TAFA1: variants seen among roughly 807,000 people sequenced by gnomAD.
TAFA1 encodes the protein TAFA chemokine like family member 1.
TAFA1 carries 4 observed loss-of-function variants against 18.5 expected under a neutral mutation model. The observed-to-expected ratio is 0.22, with a 90% confidence interval of 0.11 to 0.49. The LOEUF is 0.49. Among genes scored for constraint, TAFA1 ranks in the 20% least tolerant of loss-of-function variants. TAFA1 has a pLI of 0.98. For missense variants in TAFA1, 147 were observed against 169.0 expected (o/e 0.87, Z 0.72); for synonymous variants, 56 against 55.2 (o/e 1.01, Z -0.06).
At chr3:68,462,448 C>G (rs768071538) in intron 3 of TAFA1, among the ~76,000 whole-genome samples, 5 of 152,082 alleles carry the variant, frequency 3.3e-5, no homozygotes, top group African/African-American at 7.2e-5. Context: ...TGAATTTGCT[C>G]CTCACTCACC....
chr3:68,111,352 T>C (rs1031822809), intron 2 of TAFA1, among the ~76,000 whole-genome samples: 1 of 151,912 alleles, frequency 6.6e-6, no homozygotes, highest in Non-Finnish European at 1.5e-5. Context: ...ATAATAACCT[T>C]CAAAAAGGAG....
intron 2 of TAFA1, among the ~76,000 whole-genome samples, chr3:68,332,110 G>A (rs1033872416): frequency 2.5e-4 from 38 of 151,622 alleles, no homozygotes; most frequent in African/African-American, 8.2e-4. Context: ...TGATCCGCCC[G>A]CCTCGGCCTC....
At chr3:68,100,728 A>G (rs2065137725) in intron 2 of TAFA1, among the ~76,000 whole-genome samples, 1 of 152,164 alleles carries the variant, frequency 6.6e-6, no homozygotes, top group Non-Finnish European at 1.5e-5. Context: ...ATATTTTTTG[A>G]ACATACCTTG....
intron 2 of TAFA1, among the ~76,000 whole-genome samples, chr3:68,343,920 C>A (rs1366106512): frequency 6.6e-6 from 1 of 152,092 alleles, no homozygotes; most frequent in Non-Finnish European, 1.5e-5. Flanking sequence ...CTCGGCTCAC[C>A]GCAACCTCTG....
chr3:68,244,289 C>T (rs773610351), intron 2 of TAFA1, among the ~76,000 whole-genome samples: 1 of 152,044 alleles, frequency 6.6e-6, no homozygotes, highest in African/African-American at 2.4e-5. Context: ...ATCAATTTTT[C>T]CATTAATTGG....
At chr3:68,046,312 T>C (rs1354202282) in intron 2 of TAFA1, among the ~76,000 whole-genome samples, 2 of 152,178 alleles carry the variant, frequency 1.3e-5, no homozygotes, top group African/African-American at 4.8e-5. Context: ...TGTAGGAGTA[T>C]AAAATAATTT....
chr3:68,089,254 G>A (rs2065005103), intron 2 of TAFA1, among the ~76,000 whole-genome samples: 1 of 152,132 alleles, frequency 6.6e-6, no homozygotes, highest in Non-Finnish European at 1.5e-5. Context: ...TGATATGCCT[G>A]AATTTACTTA....
the TAFA1 span, among the ~76,000 whole-genome samples, chr3:67,993,318 T>C: frequency 6.6e-6 from 1 of 152,214 alleles, no homozygotes; most frequent in Admixed American, 6.5e-5. Context: ...CTTAAGTTTC[T>C]GGCCGAAGCA....
intron 2 of TAFA1, among the ~76,000 whole-genome samples, chr3:68,366,388 G>A (rs1468832005): frequency 6.6e-6 from 1 of 152,146 alleles, no homozygotes; most frequent in Admixed American, 6.5e-5. Context: ...AAAGAACAGA[G>A]GGCACAAGGA....
chr3:68,056,195 C>T (rs900170050), intron 2 of TAFA1, among the ~76,000 whole-genome samples: 3 of 152,118 alleles, frequency 2.0e-5, no homozygotes, highest in East Asian at 1.9e-4. Flanking sequence ...CCATTCCACT[C>T]GTGACTAGCA....
chr3:68,437,592 T>C (rs1322427179), intron 3 of TAFA1, among the ~76,000 whole-genome samples: 1 of 152,070 alleles, frequency 6.6e-6, no homozygotes, highest in Non-Finnish European at 1.5e-5. Flanking sequence ...TCTCTCTTTC[T>C]CTTCTTATAA....
chr3:68,287,186 A>G (rs1266904762), intron 2 of TAFA1, among the ~76,000 whole-genome samples: 1 of 152,160 alleles, frequency 6.6e-6, no homozygotes, highest in South Asian at 2.1e-4. Context: ...GAATTGAATT[A>G]TCACCTTCCT....
intron 3 of TAFA1, among the ~76,000 whole-genome samples, chr3:68,434,010 C>CT (rs1323900350): frequency 6.6e-6 from 1 of 152,052 alleles, no homozygotes; most frequent in African/African-American, 2.4e-5. Context: ...AATTGACTAT[C>CT]TCTACCCTAA....
intron 2 of TAFA1, among the ~76,000 whole-genome samples, chr3:68,105,006 A>C (rs2065188346): frequency 6.6e-6 from 1 of 152,150 alleles, no homozygotes; most frequent in Non-Finnish European, 1.5e-5. Flanking sequence ...CCTCAGGAAG[A>C]TTCCAGTCAT....
intron 2 of TAFA1, among the ~76,000 whole-genome samples, chr3:68,045,320 C>G (rs369950886): frequency 2.0e-5 from 3 of 152,216 alleles, no homozygotes; most frequent in African/African-American, 7.2e-5. Context: ...GTCATATGTG[C>G]GAGTCCAATG....
chr3:68,019,222 G>A lies in TAFA1; in HGVS notation c.118+12478G>A, dbSNP rs116313775. 3.5e-3 allele frequency among the ~76,000 whole-genome samples: 540 copies of A among 152,336 alleles called. 5 individuals are homozygous for A. The highest frequency in any genetic ancestry group is 0.012 in the African/African-American group (498 of 41,574). On this transcript the variant is annotated intron_variant, in intron 2 of 4. Coordinates refer to ENST00000478136, the MANE Select transcript of TAFA1 (RefSeq NM_213609.4). The stretch of plus-strand genomic sequence containing the variant: ...TCATGTAATAGTTTTGAGTACTGCA[G>A]CTGAATAATGCTTGATTCTTAATTT...
intron 2 of TAFA1, among the ~76,000 whole-genome samples, chr3:68,036,213 G>A (rs1320794033): frequency 6.6e-6 from 1 of 152,036 alleles, no homozygotes; most frequent in East Asian, 1.9e-4. Context: ...GGCCAAGGTG[G>A]GTGGATCACG....
intron 3 of TAFA1, among the ~76,000 whole-genome samples, chr3:68,436,920 ACT>A (rs1329557290): frequency 1.3e-5 from 2 of 151,774 alleles, no homozygotes; most frequent in African/African-American, 2.4e-5. Flanking sequence ...TTATTAGAAA[ACT>A]CTAAATAGTG....
At chr3:68,350,130 T>C (rs2106772530) in intron 2 of TAFA1, among the ~76,000 whole-genome samples, 1 of 152,254 alleles carries the variant, frequency 6.6e-6, no homozygotes, top group South Asian at 2.1e-4. Flanking sequence ...GGCCAAAGTG[T>C]GGATAACAAG....
Sources: allele counts gnomAD v4.1 joint callset (sites outside exome capture counted in the v4.1 genomes callset), GRCh38; gene constraint gnomAD v4.1.1; transcripts MANE v1.5; gene names NCBI Gene and HGNC (gene_info 2026-07-23, HGNC 2026-07-21).